The following CNTN4 variants were observed in gnomAD, a reference collection of about 807,000 sequenced individuals.
The protein encoded by CNTN4 is contactin 4.
CNTN4 carries 77 observed loss-of-function variants against 122.5 expected under a neutral mutation model. The observed-to-expected ratio is 0.63, with a 90% CI of 0.52 to 0.76. CNTN4 has a LOEUF of 0.76. CNTN4 is among the 30% of genes least tolerant of loss of function. The pLI is 0.00. For synonymous variants in CNTN4, 512 were observed against 447.0 expected, an observed-to-expected ratio of 1.15 and a Z score of -1.83; for missense variants, 1,256 against 1,259.1, an observed-to-expected ratio of 1.00 and a Z score of 0.04.
intron 3 of CNTN4, among the ~76,000 whole-genome samples, chr3:2,409,424 T>C (rs1488945717): frequency 2.0e-5 from 3 of 151,988 alleles, no homozygotes. Context: ...GTTTTTTGTA[T>C]TTTTAGTAGA....
intron 4 of CNTN4, among the ~76,000 whole-genome samples, chr3:2,703,879 G>C (rs993246002): frequency 6.6e-6 from 1 of 152,068 alleles, no homozygotes; most frequent in Non-Finnish European, 1.5e-5. Flanking sequence ...GTGTTTAAAA[G>C]ATGATAGTGT....
At chr3:2,937,785 C>T (rs944992580) in intron 13 of CNTN4, among the ~76,000 whole-genome samples, 1 of 152,158 alleles carries the variant, frequency 6.6e-6, no homozygotes, top group Non-Finnish European at 1.5e-5. Context: ...CTGCCAAAAT[C>T]GACTTCCAAC....
At chr3:2,464,625 A>T (rs934260094) in intron 3 of CNTN4, among the ~76,000 whole-genome samples, 5 of 152,176 alleles carry the variant, frequency 3.3e-5, no homozygotes, top group African/African-American at 1.2e-4. Flanking sequence ...ATGATACATT[A>T]TTGGGATTTT....
chr3:2,679,500 G>A (rs2085050835), intron 4 of CNTN4, among the ~76,000 whole-genome samples: 1 of 152,168 alleles, frequency 6.6e-6, no homozygotes, highest in African/African-American at 2.4e-5. Context: ...ATGGAAGTGT[G>A]ATGATTATGG....
chr3:2,361,439 A>C (rs974722034), intron 3 of CNTN4, among the ~76,000 whole-genome samples: 1 of 152,198 alleles, frequency 6.6e-6, no homozygotes, highest in Non-Finnish European at 1.5e-5. Context: ...CCCACAATGC[A>C]GAAGATGGCC....
At chr3:2,527,459 G>A (rs540001087) in intron 3 of CNTN4, among the ~76,000 whole-genome samples, 1 of 152,350 alleles carries the variant, frequency 6.6e-6, no homozygotes, top group East Asian at 1.9e-4. Flanking sequence ...TGCTGCGGTT[G>A]TTGTGGTTGT....
At chr3:2,697,215 A>G (rs1277140081) in intron 4 of CNTN4, among the ~76,000 whole-genome samples, 2 of 152,226 alleles carry the variant, frequency 1.3e-5, no homozygotes, top group African/African-American at 2.4e-5. Flanking sequence ...GCTCCTGGAA[A>G]GAGAGCCTGT....
chr3:2,668,153 A>G (rs1006531699), intron 4 of CNTN4, among the ~76,000 whole-genome samples: 4 of 152,086 alleles, frequency 2.6e-5, no homozygotes, highest in Non-Finnish European at 4.4e-5. Context: ...CTTGATGGGG[A>G]TGGCATGGAA....
intron 2 of CNTN4, among the ~76,000 whole-genome samples, chr3:2,284,502 T>TAAG (rs2041835765): frequency 6.6e-6 from 1 of 152,054 alleles, no homozygotes; most frequent in Non-Finnish European, 1.5e-5. Flanking sequence ...GAATCTTATT[T>TAAG]ATACCAAACT....
At chr3:2,769,120 C>T (rs1230189783) in intron 6 of CNTN4, among the ~76,000 whole-genome samples, 1 of 152,122 alleles carries the variant, frequency 6.6e-6, no homozygotes, top group Non-Finnish European at 1.5e-5. Flanking sequence ...GTTCCCAAAA[C>T]TTACCTATAC....
intron 6 of CNTN4, among the ~76,000 whole-genome samples, chr3:2,763,773 T>C (rs983669536): frequency 2.6e-5 from 4 of 152,200 alleles, no homozygotes; most frequent in Non-Finnish European, 4.4e-5. Flanking sequence ...GTCAGGTTTG[T>C]TGAAGGTGAG....
rs117689325 is a variant in CNTN4 at position 2,818,141 on chromosome 3, C to G, written c.359-1345C>G. Among the ~76,000 whole-genome samples, 28 of 152,304 alleles carry G rather than the reference C, an allele frequency of 1.8e-4. No homozygotes were observed. The East Asian group carries it at 5.4e-3, about 29-fold the overall frequency. On this transcript the variant is annotated intron_variant, in intron 6 of 24. Coordinates refer to ENST00000418658, the MANE Select transcript of CNTN4 (RefSeq NM_175607.3). ...GCCCCAACAGGACGGAAGCTGTGTT[C>G]TCACAATGCTTGCCTTCTGAGTTGG...
intron 3 of CNTN4, among the ~76,000 whole-genome samples, chr3:2,434,100 C>G (rs767886122): frequency 6.6e-6 from 1 of 152,002 alleles, no homozygotes; most frequent in Non-Finnish European, 1.5e-5. Flanking sequence ...AAAGTGATGA[C>G]TATAATAAAT....
chr3:2,989,948 G>C (rs1313996784), intron 14 of CNTN4, among the ~76,000 whole-genome samples: 1 of 152,198 alleles, frequency 6.6e-6, no homozygotes, highest in East Asian at 1.9e-4. Context: ...ATATTAGGTT[G>C]ACATCTTAAA....
chr3:2,766,511 G>A (rs1360354406), intron 6 of CNTN4, among the ~76,000 whole-genome samples: 1 of 152,142 alleles, frequency 6.6e-6, no homozygotes, highest in African/African-American at 2.4e-5. Context: ...ACCAAACATC[G>A]TATATTTTCA....
chr3:2,114,219 G>A (rs115354777), intron 2 of CNTN4, among the ~76,000 whole-genome samples: 5 of 152,132 alleles, frequency 3.3e-5, no homozygotes, highest in Non-Finnish European at 5.9e-5. Context: ...TTGTGAGGCC[G>A]AAGTGGGCAG....
At chr3:2,751,341 A>C (rs2090080898) in intron 6 of CNTN4, among the ~76,000 whole-genome samples, 1 of 152,070 alleles carries the variant, frequency 6.6e-6, no homozygotes, top group Non-Finnish European at 1.5e-5. Context: ...AAAAAAAATA[A>C]AGATGCTCAT....
At chr3:2,299,197 A>C (rs2042415886) in intron 2 of CNTN4, among the ~76,000 whole-genome samples, 1 of 152,202 alleles carries the variant, frequency 6.6e-6, no homozygotes, top group Non-Finnish European at 1.5e-5. Flanking sequence ...ATTATTGTTC[A>C]GAAAATTAAA....
At chr3:2,327,457 A>G (rs2043510487) in intron 2 of CNTN4, among the ~76,000 whole-genome samples, 1 of 152,112 alleles carries the variant, frequency 6.6e-6, no homozygotes, top group Admixed American at 6.5e-5. Flanking sequence ...TTTAAGATTT[A>G]TTTTATATTT....
Sources: gnomAD v4.1 joint callset for allele counts (sites outside exome capture counted in the v4.1 genomes callset) on GRCh38, gnomAD v4.1.1 for gene constraint, MANE v1.5 for transcripts, NCBI Gene and HGNC (gene_info 2026-07-23, HGNC 2026-07-21) for gene names.